SORCS1: variants seen among roughly 807,000 people sequenced by gnomAD.
SORCS1 encodes sortilin related VPS10 domain containing receptor 1.
In SORCS1, 60 loss-of-function variants were observed where a neutral mutation model predicts 146.1. The observed-to-expected ratio is 0.41, with a 90% CI of 0.33 to 0.51. SORCS1 has a LOEUF of 0.51. SORCS1 is among the 20% of genes least tolerant of loss of function. The probability of loss-of-function intolerance (pLI) is 0.21; values close to 1 mark genes in which losing one functional copy is unlikely to be tolerated. For missense variants in SORCS1, 1,352 were observed against 1,487.6 expected (o/e 0.91, Z 1.50); for synonymous variants, 637 against 584.0 (o/e 1.09, Z -1.31).
intron 1 of SORCS1, among the ~76,000 whole-genome samples, chr10:107,065,507 C>CTTTCTTT (rs1309478806): frequency 6.8e-5 from 3 of 43,922 alleles, no homozygotes; most frequent in African/African-American, 2.9e-4. Flanking sequence ...CCTCTCCTCT[C>CTTTCTTT]CTCTCTTTCT....
chr10:106,886,611 A>C (rs904261591), intron 2 of SORCS1, among the ~76,000 whole-genome samples: 1 of 152,198 alleles, frequency 6.6e-6, no homozygotes. Context: ...GGAAAGAAGG[A>C]AGAAGGATGG....
chr10:107,128,319 C>T (rs894998597), intron 1 of SORCS1, among the ~76,000 whole-genome samples: 3 of 152,176 alleles, frequency 2.0e-5, no homozygotes, highest in East Asian at 1.9e-4. Context: ...AACACAACAT[C>T]GGGTTGCATG....
intron 1 of SORCS1, among the ~76,000 whole-genome samples, chr10:107,039,631 G>A (rs748218721): frequency 2.6e-5 from 4 of 152,152 alleles, no homozygotes; most frequent in South Asian, 2.1e-4. Flanking sequence ...GGGATGGGGA[G>A]CCTCTCAGTC....
chr10:107,084,085 G>GTTT (rs1189640922), intron 1 of SORCS1, among the ~76,000 whole-genome samples: 2 of 124,328 alleles, frequency 1.6e-5, no homozygotes, highest in East Asian at 2.3e-4. Flanking sequence ...TATTTTTGTT[G>GTTT]TTTTTTGTTT....
intron 21 of SORCS1, among the ~76,000 whole-genome samples, chr10:106,612,761 T>C (rs1847093221): frequency 6.6e-6 from 1 of 152,128 alleles, no homozygotes; most frequent in South Asian, 2.1e-4. Flanking sequence ...CCCCTAACTT[T>C]GTTCCATGCC....
intron 1 of SORCS1, among the ~76,000 whole-genome samples, chr10:107,034,688 A>AAAAAC (rs1554926200): frequency 7.0e-6 from 1 of 143,354 alleles, no homozygotes; most frequent in African/African-American, 2.5e-5. Flanking sequence ...CTCAAAAAAA[A>AAAAAC]AAAAAAAAAA....
chr10:106,984,748 G>C (rs990400900), intron 1 of SORCS1, among the ~76,000 whole-genome samples: 1 of 152,052 alleles, frequency 6.6e-6, no homozygotes, highest in Non-Finnish European at 1.5e-5. Context: ...TGGTAGTAAA[G>C]AGCATGAAAT....
chr10:106,825,830 G>A (rs1397201379), intron 3 of SORCS1, among the ~76,000 whole-genome samples: 1 of 152,036 alleles, frequency 6.6e-6, no homozygotes, highest in Non-Finnish European at 1.5e-5. Context: ...CTTTTCTTCT[G>A]GGCTAACCTC....
intron 19 of SORCS1, among the ~76,000 whole-genome samples, chr10:106,624,384 G>T (rs993336924): frequency 2.1e-5 from 2 of 95,320 alleles, no homozygotes; most frequent in Non-Finnish European, 3.8e-5. Context: ...TTTTTGAGAC[G>T]GAGTTTCGCT....
chr10:107,038,696 C>CGGGGGGGGGGGG (rs58516423), intron 1 of SORCS1, among the ~76,000 whole-genome samples: 1 of 149,886 alleles, frequency 6.7e-6, no homozygotes, highest in Non-Finnish European at 1.5e-5. Context: ...GGGCAGGGGG[C>CGGGGGGGGGGGG]GGGGGGGGAG....
At position 106,862,904 on chromosome 10, in the gene SORCS1, G is replaced by T. The variant is rs137909161; in HGVS notation, c.627-33231C>A. ...GACCAAAGTCATGAAAAGAATCCAG[G>T]TTTTCTGATTCTCATGGTAAGATAT... is the stretch of plus-strand genomic sequence containing the variant. On this transcript the variant is annotated intron_variant, in intron 2 of 25. Coordinates refer to ENST00000263054, the MANE Select transcript of SORCS1 (RefSeq NM_052918.5). 2.0e-5 allele frequency among the ~76,000 whole-genome samples: 3 copies of T among 151,624 alleles called. No individual in the cohort carries two copies. The East Asian group carries it at 5.8e-4, about 29-fold the overall frequency.
chr10:106,804,211 T>C (rs1305747319), intron 3 of SORCS1, among the ~76,000 whole-genome samples: 4 of 152,120 alleles, frequency 2.6e-5, no homozygotes, highest in Admixed American at 1.3e-4. Flanking sequence ...CTACTTGCCA[T>C]ATCAGCTGCA....
chr10:107,063,736 G>C (rs1961460552), intron 1 of SORCS1, among the ~76,000 whole-genome samples: 1 of 152,132 alleles, frequency 6.6e-6, no homozygotes, highest in Admixed American at 6.6e-5. Flanking sequence ...ATTTATATGA[G>C]CACATGTGGA....
intron 11 of SORCS1, 34 bp downstream of exon 11, chr10:106,679,598 T>C: frequency 6.5e-7 from 1 of 1,535,014 alleles, no homozygotes; most frequent in Non-Finnish European, 8.9e-7. Flanking sequence ...TAAACACTAT[T>C]TACCACAGCC....
At chr10:106,689,178 A>C (rs1853106872) in intron 9 of SORCS1, among the ~76,000 whole-genome samples, 1 of 152,180 alleles carries the variant, frequency 6.6e-6, no homozygotes, top group Admixed American at 6.5e-5. Flanking sequence ...CCTCCCTTCT[A>C]TATGTTAGGT....
chr10:106,642,120 A>T (rs1849111182), intron 18 of SORCS1, among the ~76,000 whole-genome samples: 1 of 152,182 alleles, frequency 6.6e-6, no homozygotes. Context: ...TTACATGGAG[A>T]GGTTTGTATG....
chr10:106,870,783 G>T lies in SORCS1; in HGVS notation c.627-41110C>A, dbSNP rs560961447. Among the ~76,000 whole-genome samples, 287 of 152,264 alleles carry T rather than the reference G, an allele frequency of 1.9e-3. 1 individual carries two copies. Among genetic ancestry groups the T allele is most frequent in the African/African-American group, 6.4e-3 (265 of 41,554 alleles). On this transcript the variant is annotated intron_variant, in intron 2 of 25. Coordinates refer to ENST00000263054, the MANE Select transcript of SORCS1 (RefSeq NM_052918.5). ...CATCCTAGACATAGGAACAGGCAAA[G>T]ATTGCATGACAAAGACACCAAAACC...
chr10:106,802,159 T>C (rs1946936095), intron 3 of SORCS1, among the ~76,000 whole-genome samples: 1 of 151,872 alleles, frequency 6.6e-6, no homozygotes, highest in Admixed American at 6.6e-5. Flanking sequence ...AAAGACAGAG[T>C]CCCAAAAAGA....
At position 106,956,241 on chromosome 10, in the gene SORCS1, C is replaced by A. The variant is rs558982735; in HGVS notation, c.626+272G>T. On this transcript the variant is annotated intron_variant, in intron 2 of 25. Coordinates refer to ENST00000263054, the MANE Select transcript of SORCS1 (RefSeq NM_052918.5). ...TCTCACTTCTGCTCCAATAAACTCA[C>A]AGGTCAGTGAGACAGTGCATAAACA... Among the ~76,000 whole-genome samples, 4 of 152,258 alleles carry A rather than the reference C, an allele frequency of 2.6e-5. No individual in the cohort carries two copies. The South Asian group carries it at 8.3e-4, about 32-fold the overall frequency.
Sources: gnomAD v4.1 joint callset for allele counts (sites outside exome capture counted in the v4.1 genomes callset) on GRCh38, gnomAD v4.1.1 for gene constraint, MANE v1.5 for transcripts, NCBI Gene and HGNC (gene_info 2026-07-23, HGNC 2026-07-21) for gene names.